NRXN2: variants seen among roughly 807,000 people sequenced by gnomAD.
NRXN2 encodes the protein neurexin-2-beta.
Under a neutral mutation model 128.8 loss-of-function variants are expected in NRXN2, and 29 were observed. The observed-to-expected ratio is 0.23, with a 90% confidence interval of 0.17 to 0.31. The LOEUF is 0.31. Ranked by LOEUF, NRXN2 falls within the 10% of genes least tolerant of loss-of-function variation. The probability of loss-of-function intolerance (pLI) is 1.00; values close to 1 mark genes in which losing one functional copy is unlikely to be tolerated. For synonymous variants in NRXN2, 1,098 were observed against 1,075.2 expected, an observed-to-expected ratio of 1.02 and a Z score of -0.41; for missense variants, 1,881 against 2,452.6, an observed-to-expected ratio of 0.77 and a Z score of 4.92.
rs573528266 is a variant in NRXN2 at position 64,607,893 on chromosome 11, C to G, written c.4442G>C (p.Arg1481Pro). The change falls in exon 23 of 23, where the codon CGG (arginine) becomes CCG (proline). Residue 1481 changes from arginine (R) to proline (P), a missense_variant. Coordinates refer to ENST00000265459, the MANE Select transcript of NRXN2 (RefSeq NM_015080.4). ...GGGCTCCTCGCAGTCGCTGTCGTCC[C>G]GCTCGGCCTGGCACGGGCCCCCAGA... ...PPSGGPCQAE[R>P]DDSDCEEPIE... 2 of 1,573,868 alleles carry G rather than the reference C, an allele frequency of 1.3e-6. No homozygotes were observed. The highest frequency in any genetic ancestry group is 1.2e-5 in the South Asian group (1 of 86,170).
intron 17 of NRXN2, chr11:64,637,387 C>T (rs1349786102): frequency 6.6e-6 from 1 of 152,346 alleles, no homozygotes; most frequent in East Asian, 1.9e-4. Flanking sequence ...GACCCCCACC[C>T]CCACCCCATG....
At chr11:64,610,865 T>C (rs1185522438) in intron 22 of NRXN2, among the ~76,000 whole-genome samples, 2 of 152,208 alleles carry the variant, frequency 1.3e-5, no homozygotes, top group African/African-American at 4.8e-5. Flanking sequence ...TGAGTGCCTC[T>C]GGGGTCCTTC....
At chr11:64,712,581 G>C in intron 2 of NRXN2, 1 of 364,952 alleles carries the variant, frequency 2.7e-6, no homozygotes, top group Non-Finnish European at 5.8e-6. Flanking sequence ...CCCGCCCACT[G>C]CCTTTAATGG....
intron 9 of NRXN2, chr11:64,661,356 C>G: frequency 6.9e-7 from 1 of 1,442,774 alleles, no homozygotes; most frequent in East Asian, 2.5e-5. Flanking sequence ...TTCTGTGACG[C>G]AGCCCCAGCC....
chr11:64,715,381 A>G (rs1371578488), intron 1 of NRXN2, among the ~76,000 whole-genome samples: 1 of 152,186 alleles, frequency 6.6e-6, no homozygotes, highest in African/African-American at 2.4e-5. Context: ...GAAATAGACA[A>G]GCACAGGATA....
intron 2 of NRXN2, among the ~76,000 whole-genome samples, chr11:64,701,909 G>A (rs1280633296): frequency 4.2e-5 from 6 of 142,070 alleles, no homozygotes; most frequent in African/African-American, 1.0e-4. Context: ...AGGTGGGGGG[G>A]GTCAGCCCCC....
At chr11:64,661,306 C>T (rs1433699216) in intron 9 of NRXN2, 167 bp from the exon 10 acceptor site, 6 of 1,489,450 alleles carry the variant, frequency 4.0e-6, no homozygotes, top group Non-Finnish European at 5.3e-6. Context: ...GCCTCACTCA[C>T]TGCAAAAACT....
intron 11 of NRXN2, among the ~76,000 whole-genome samples, chr11:64,654,617 C>T (rs1474908341): frequency 1.3e-5 from 2 of 152,326 alleles, no homozygotes; most frequent in African/African-American, 4.8e-5. Context: ...GGCCCTGAAG[C>T]CTCTGGCCAT....
intron 17 of NRXN2, among the ~76,000 whole-genome samples, chr11:64,644,417 G>T (rs1272766362): frequency 6.6e-6 from 1 of 151,854 alleles, no homozygotes; most frequent in Admixed American, 6.6e-5. Context: ...CTCCCTCCAT[G>T]GGGGGTCTAG....
intron 2 of NRXN2, among the ~76,000 whole-genome samples, chr11:64,711,493 G>GC (rs1234978310): frequency 6.6e-6 from 1 of 151,820 alleles, no homozygotes; most frequent in African/African-American, 2.4e-5. Flanking sequence ...AGCGCCCCCT[G>GC]CCCCCCGACA....
At chr11:64,703,841 T>A (rs1316652192) in intron 2 of NRXN2, among the ~76,000 whole-genome samples, 1 of 152,200 alleles carries the variant, frequency 6.6e-6, no homozygotes, top group Non-Finnish European at 1.5e-5. Context: ...AGGATTTTCG[T>A]ATATTAATTC....
intron 19 of NRXN2, among the ~76,000 whole-genome samples, chr11:64,626,970 C>A (rs1315740438): frequency 3.9e-5 from 6 of 152,164 alleles, no homozygotes; most frequent in Non-Finnish European, 4.4e-5. Flanking sequence ...AGTGGCCCAA[C>A]TGGTTTCTGC....
chr11:64,627,688 G>A (rs535989997), intron 19 of NRXN2, among the ~76,000 whole-genome samples: 1 of 152,278 alleles, frequency 6.6e-6, no homozygotes, highest in African/African-American at 2.4e-5. Context: ...GTGGAAAGAG[G>A]TTTGTCAGTG....
intron 2 of NRXN2, among the ~76,000 whole-genome samples, chr11:64,698,593 G>C (rs2054864161): frequency 6.6e-6 from 1 of 152,222 alleles, no homozygotes; most frequent in Non-Finnish European, 1.5e-5. Context: ...AGGGCCCCCA[G>C]GCTGGATGGC....
chr11:64,649,344 A>T (rs2047148811), intron 15 of NRXN2, among the ~76,000 whole-genome samples: 2 of 152,146 alleles, frequency 1.3e-5, no homozygotes, highest in South Asian at 4.1e-4. Flanking sequence ...AGGGAGTTCA[A>T]AGCCCAGCTC....
In NRXN2 at chr11:64,713,300, C is replaced by A; in HGVS notation, c.400G>T (p.Ala134Ser). The change falls in exon 2 of 23, where the codon GCC (alanine) becomes TCC (serine). Residue 134 changes from alanine to serine, a missense_variant. Coordinates refer to ENST00000265459, the MANE Select transcript of NRXN2 (RefSeq NM_015080.4). ...TALAVDGEAR[A>S]AEVRSKRREM... is the part of the protein sequence containing the mutation. ...CGCCGCTTGGAGCGCACCTCGGCGG[C>A]GCGGGCCTCGCCGTCCACCGCCAGC... is the stretch of plus-strand genomic sequence containing the variant. 1 of 1,361,960 alleles carries A rather than the reference C, an allele frequency of 7.3e-7. No homozygotes were observed. The highest frequency in any genetic ancestry group is 1.7e-5 in the South Asian group (1 of 57,782). The allele number at this position is 1,361,960 out of a possible 1,614,324, so 84.4% of individuals were successfully genotyped here. A position where few individuals can be genotyped will look rare whatever the true frequency, so the allele number is the denominator to read the frequency against.
intron 22 of NRXN2, 46 bp downstream of exon 22, chr11:64,620,248 G>T (rs1456056719): frequency 4.8e-6 from 7 of 1,449,620 alleles, no homozygotes; most frequent in Admixed American, 3.9e-5. Flanking sequence ...CCTCCCAGCA[G>T]CATCGCAGAG....
intron 22 of NRXN2, among the ~76,000 whole-genome samples, chr11:64,613,663 C>T (rs61884373): frequency 6.6e-6 from 1 of 152,164 alleles, no homozygotes. Context: ...TCAGGCATAC[C>T]CAGGTAGGGT....
chr11:64,682,090 C>A (rs2052381499), intron 6 of NRXN2, among the ~76,000 whole-genome samples: 1 of 151,800 alleles, frequency 6.6e-6, no homozygotes, highest in South Asian at 2.1e-4. Flanking sequence ...TCCTTGAGGA[C>A]TGCATCCTTG....
Sources: gnomAD v4.1 joint callset for allele counts (sites outside exome capture counted in the v4.1 genomes callset) on GRCh38, gnomAD v4.1.1 for gene constraint, MANE v1.5 for transcripts, NCBI Gene and HGNC (gene_info 2026-07-23, HGNC 2026-07-21) for gene names.